Variants in ZPBP observed in about 807,000 individuals in gnomAD.
The protein encoded by ZPBP is zona pellucida binding protein, also known as zona pellucida-binding protein 1.
ZPBP carries 26 observed loss-of-function variants against 44.8 expected under a neutral mutation model. The ratio of observed to expected loss-of-function variants is 0.58; its 90% CI spans 0.43 to 0.81. ZPBP has a LOEUF of 0.81. ZPBP is among the 30% of genes least tolerant of loss of function. The probability of loss-of-function intolerance (pLI) is 0.00; values close to 1 mark genes in which losing one functional copy is unlikely to be tolerated. For synonymous variants in ZPBP, 174 were observed against 153.2 expected (o/e 1.14, Z -1.00); for missense variants, 409 against 434.0 (o/e 0.94, Z 0.51).
At chr7:50,043,620 G>A (rs894809674) in intron 4 of ZPBP, among the ~76,000 whole-genome samples, 6 of 152,144 alleles carry the variant, frequency 3.9e-5, no homozygotes, top group Non-Finnish European at 8.8e-5. Flanking sequence ...GCAACAAGAA[G>A]AGCTAACTAT....
At chr7:49,896,457 A>G (rs532385826) in intron 2 of ZPBP, among the ~76,000 whole-genome samples, 10 of 152,338 alleles carry the variant, frequency 6.6e-5, no homozygotes, top group East Asian at 3.9e-4. Flanking sequence ...TCCTAAATCA[A>G]TAATTAAGTT....
chr7:50,020,337 G>A (rs1799030021), intron 5 of ZPBP, among the ~76,000 whole-genome samples: 1 of 152,064 alleles, frequency 6.6e-6, no homozygotes, highest in African/African-American at 2.4e-5. Context: ...ATGCAAAACT[G>A]TCAGAAACCA....
At chr7:50,018,557 G>T (rs1007517039) in intron 5 of ZPBP, among the ~76,000 whole-genome samples, 3 of 151,814 alleles carry the variant, frequency 2.0e-5, no homozygotes, top group African/African-American at 4.8e-5. Context: ...GATAATGTTT[G>T]GCTGTTGATT....
chr7:49,911,828 C>T (rs908843142), intron 1 of ZPBP, among the ~76,000 whole-genome samples: 1 of 151,536 alleles, frequency 6.6e-6, no homozygotes, highest in African/African-American at 2.4e-5. Flanking sequence ...ATCCGGGAGG[C>T]AGAAGTTGCA....
chr7:49,979,978 T>C (rs1796715249), intron 7 of ZPBP, among the ~76,000 whole-genome samples: 1 of 107,196 alleles, frequency 9.3e-6, no homozygotes. Context: ...ATATATTATA[T>C]ATTAATATAA....
intron 1 of ZPBP, among the ~76,000 whole-genome samples, chr7:50,091,374 C>G (rs113880140): frequency 0.018 from 2,748 of 152,182 alleles, 78 homozygotes; most frequent in African/African-American, 0.063. Flanking sequence ...GTTGCATTTG[C>G]TTTTGGGTTC....
intron 1 of ZPBP, among the ~76,000 whole-genome samples, chr7:49,909,968 G>A (rs930046911): frequency 5.9e-5 from 9 of 152,028 alleles, no homozygotes; most frequent in African/African-American, 2.2e-4. Flanking sequence ...AGTTACTCAG[G>A]TGTGGTGGTG....
At chr7:49,931,799 C>A (rs982343311) in intron 1 of ZPBP, among the ~76,000 whole-genome samples, 2 of 152,188 alleles carry the variant, frequency 1.3e-5, no homozygotes. Context: ...CCATCACAGG[C>A]CTGGAGGCCT....
chr7:49,993,380 T>C lies in ZPBP; in HGVS notation c.784-9861A>G, dbSNP rs1021811100. On this transcript the variant is annotated intron_variant, in intron 6 of 7. Coordinates refer to ENST00000046087, the MANE Select transcript of ZPBP (RefSeq NM_007009.3). ...GGCTACAAAGAACAGATAGGAAAAA[T>C]AGAAAGAAATGACAAGATGTTGGAT... Among the ~76,000 whole-genome samples the C allele has an allele frequency of 7.9e-5, 12 of 151,550 alleles. No individual in the cohort carries two copies. In the South Asian group the frequency reaches 1.2e-3, roughly 16 times the overall value.
At chr7:49,889,218 A>C (rs573357199) in intron 2 of ZPBP, among the ~76,000 whole-genome samples, 33 of 152,304 alleles carry the variant, frequency 2.2e-4, no homozygotes, top group South Asian at 4.1e-4. Context: ...TTTAAAATAT[A>C]TTAATGGAAT....
intron 2 of ZPBP, among the ~76,000 whole-genome samples, chr7:49,874,546 ATATGTG>A (rs764605843): frequency 1.3e-5 from 1 of 79,970 alleles, no homozygotes; most frequent in Non-Finnish European, 2.7e-5. Flanking sequence ...GCATGACTAT[ATATGTG>A]TGTGTGTGTG....
intron 7 of ZPBP, among the ~76,000 whole-genome samples, chr7:49,955,673 T>A (rs1323179635): frequency 6.6e-6 from 1 of 151,846 alleles, no homozygotes; most frequent in Non-Finnish European, 1.5e-5. Context: ...TAAGAGAAAA[T>A]TAATAAACAA....
chr7:50,058,085 C>G lies in ZPBP; in HGVS notation c.391G>C (p.Glu131Gln), dbSNP rs1387526345. The G allele has an allele frequency of 6.2e-6, 10 of 1,613,850 alleles. No individual in the cohort carries two copies. Among genetic ancestry groups the G allele is most frequent in the Non-Finnish European group, 8.5e-6 (10 of 1,179,892 alleles). The change falls in exon 4 of 8, where the codon GAG (glutamate) becomes CAG (glutamine). Residue 131 changes from glutamate (E) to glutamine (Q), a missense_variant. Glu to Gln is a conservative substitution (Grantham distance 29). This residue lies in a region of ZPBP where 367 missense variants were observed against 363.1 expected (regional missense o/e 1.01). Coordinates refer to ENST00000046087, the MANE Select transcript of ZPBP (RefSeq NM_007009.3). ...STGSLVFQNF[E>Q]ESMSGIYTCF... ...GTATAAATTCCACTCATACTCTCCT[C>G]AAAATTTTGGAATACAAGGCTTCCT...
chr7:49,851,718 C>T (rs927200027), intron 2 of ZPBP, among the ~76,000 whole-genome samples: 7 of 152,122 alleles, frequency 4.6e-5, no homozygotes, highest in Non-Finnish European at 8.8e-5. Flanking sequence ...CTTAGCTGGG[C>T]GTGCTGGCAC....
intron 1 of ZPBP, chr7:49,912,469 T>C (rs1385286920): frequency 7.8e-6 from 2 of 255,342 alleles, no homozygotes; most frequent in African/African-American, 4.5e-5. Context: ...TGTATTTCTA[T>C]AATCCCTCCA....
chr7:49,960,972 C>T (rs1163908468), intron 7 of ZPBP, among the ~76,000 whole-genome samples: 3 of 152,148 alleles, frequency 2.0e-5, no homozygotes, highest in African/African-American at 4.8e-5. Flanking sequence ...CAAAATTATA[C>T]AGCCACTTTA....
At chr7:49,869,188 G>A (rs78899427) in intron 2 of ZPBP, among the ~76,000 whole-genome samples, 4,217 of 152,146 alleles carry the variant, frequency 0.028, 162 homozygotes, top group South Asian at 0.13. Flanking sequence ...ATAAAACATG[G>A]TATCCTACAG....
chr7:50,076,123 T>G (rs979275113), intron 3 of ZPBP, among the ~76,000 whole-genome samples: 1 of 151,804 alleles, frequency 6.6e-6, no homozygotes, highest in African/African-American at 2.4e-5. Context: ...CAGCGTGATA[T>G]ATCATGTTAA....
At chr7:49,877,481 A>AAATATACATATAT in intron 2 of ZPBP, among the ~76,000 whole-genome samples, 1 of 12,722 alleles carries the variant, frequency 7.9e-5, no homozygotes, top group African/African-American at 2.8e-4. Context: ...AAAAAAAAAA[A>AAATATACATATAT]ATATATATAT....
Sources: allele counts gnomAD v4.1 joint callset (sites outside exome capture counted in the v4.1 genomes callset), GRCh38; gene constraint gnomAD v4.1.1; regional missense constraint gnomAD v4.1.1; transcripts MANE v1.5; gene names NCBI Gene and HGNC (gene_info 2026-07-23, HGNC 2026-07-21).